Variants in SLC14A2 observed in about 807,000 individuals in gnomAD.
The protein encoded by SLC14A2 is solute carrier family 14 member 2.
In SLC14A2, 91 loss-of-function variants were observed where a neutral mutation model predicts 104.6. The ratio of observed to expected loss-of-function variants is 0.87; its 90% CI spans 0.73 to 1.04. The LOEUF (loss-of-function observed/expected upper bound fraction) is 1.04, where lower values mean the gene tolerates loss of function less well. Ranked by LOEUF, SLC14A2 falls within the 50% of genes least tolerant of loss-of-function variation. The pLI is 0.00. For missense variants in SLC14A2, 1,189 were observed against 1,156.0 expected (o/e 1.03, Z -0.41); for synonymous variants, 476 against 466.4 (o/e 1.02, Z -0.27).
intron 1 of SLC14A2, among the ~76,000 whole-genome samples, chr18:45,619,521 T>C (rs1378426708): frequency 2.0e-5 from 3 of 152,182 alleles, no homozygotes; most frequent in African/African-American, 7.2e-5. Flanking sequence ...GAGGCCTGGT[T>C]TTTGGAGAGA....
At chr18:45,218,800 G>A (rs1599582049) in intron 1 of SLC14A2, among the ~76,000 whole-genome samples, 1 of 151,992 alleles carries the variant, frequency 6.6e-6, no homozygotes, top group East Asian at 1.9e-4. Flanking sequence ...AAGCAGTATG[G>A]AAGGTCAAAT....
chr18:45,554,824 C>G (rs2044110011), intron 2 of SLC14A2, among the ~76,000 whole-genome samples: 1 of 152,100 alleles, frequency 6.6e-6, no homozygotes, highest in South Asian at 2.1e-4. Flanking sequence ...ATCTCTAAAC[C>G]CCCTCATTTC....
chr18:45,475,642 GATATATATATATATAT>G (rs137928157), intron 1 of SLC14A2, among the ~76,000 whole-genome samples: 4,162 of 49,078 alleles, frequency 0.085, 185 homozygotes, highest in East Asian at 0.23. Context: ...ATATATTTAG[GATATATATATATATAT>G]ATATATATAT....
intron 1 of SLC14A2, among the ~76,000 whole-genome samples, chr18:45,435,648 G>A (rs1219623775): frequency 6.6e-6 from 1 of 152,092 alleles, no homozygotes; most frequent in Non-Finnish European, 1.5e-5. Context: ...CTTTGGCTGG[G>A]ACATAAACTC....
intron 1 of SLC14A2, among the ~76,000 whole-genome samples, chr18:45,386,115 C>A (rs2085893511): frequency 6.6e-6 from 1 of 152,130 alleles, no homozygotes; most frequent in Non-Finnish European, 1.5e-5. Flanking sequence ...GAGAGAAGAG[C>A]ATAAGCCAAG....
intron 1 of SLC14A2, among the ~76,000 whole-genome samples, chr18:45,245,995 G>A (rs1374794118): frequency 6.6e-6 from 1 of 152,076 alleles, no homozygotes; most frequent in Non-Finnish European, 1.5e-5. Context: ...TATTGAATGG[G>A]GTTATGGACT....
intron 1 of SLC14A2, among the ~76,000 whole-genome samples, chr18:45,246,565 T>C (rs1356444021): frequency 6.7e-6 from 1 of 148,852 alleles, no homozygotes; most frequent in Non-Finnish European, 1.5e-5. Context: ...GAAATAACTT[T>C]TGTTGTTGTT....
chr18:45,490,685 G>A (rs1038966145), intron 2 of SLC14A2, among the ~76,000 whole-genome samples: 1 of 152,186 alleles, frequency 6.6e-6, no homozygotes, highest in African/African-American at 2.4e-5. Flanking sequence ...GAGAGATTTG[G>A]AGGAGAAGTT....
chr18:45,211,697 A>G (rs1443589208), upstream of SLC14A2, among the ~76,000 whole-genome samples: 1 of 152,158 alleles, frequency 6.6e-6, no homozygotes, highest in Non-Finnish European at 1.5e-5. Context: ...TCTTTGCCAG[A>G]CACTGTGCTA....
chr18:45,350,946 C>T (rs2085497330), intron 1 of SLC14A2, among the ~76,000 whole-genome samples: 1 of 152,160 alleles, frequency 6.6e-6, no homozygotes, highest in Admixed American at 6.5e-5. Flanking sequence ...TCATTTTCTG[C>T]ATTAAACCTA....
chr18:45,392,235 T>C (rs1210589580), intron 1 of SLC14A2, among the ~76,000 whole-genome samples: 1 of 152,218 alleles, frequency 6.6e-6, no homozygotes, highest in East Asian at 1.9e-4. Context: ...GGACAGCTGC[T>C]GAGGTCTCCC....
At chr18:45,229,129 C>T (rs1160905746) in intron 1 of SLC14A2, among the ~76,000 whole-genome samples, 1 of 152,174 alleles carries the variant, frequency 6.6e-6, no homozygotes, top group African/African-American at 2.4e-5. Flanking sequence ...AGCAGACAAG[C>T]ACACATCCTC....
intron 2 of SLC14A2, among the ~76,000 whole-genome samples, chr18:45,582,110 C>T (rs184422624): frequency 4.0e-4 from 61 of 152,278 alleles, no homozygotes; most frequent in African/African-American, 1.4e-3. Context: ...TGCATGACAT[C>T]ATTCAGCTCA....
At chr18:45,293,468 A>G (rs924710858) in intron 1 of SLC14A2, among the ~76,000 whole-genome samples, 2 of 152,028 alleles carry the variant, frequency 1.3e-5, no homozygotes, top group Non-Finnish European at 2.9e-5. Flanking sequence ...ACAATGAGAG[A>G]GACTAAAGGC....
chr18:45,423,085 C>A (rs779090545), intron 1 of SLC14A2, among the ~76,000 whole-genome samples: 7 of 152,170 alleles, frequency 4.6e-5, no homozygotes, highest in African/African-American at 1.7e-4. Context: ...TTGGGAAAAA[C>A]AGTAATTGAT....
chr18:45,572,223 T>C (rs1030452924), intron 2 of SLC14A2, among the ~76,000 whole-genome samples: 4 of 152,170 alleles, frequency 2.6e-5, no homozygotes, highest in African/African-American at 9.7e-5. Flanking sequence ...CCAAGGCAAT[T>C]CCCAAAATAG....
At chr18:45,519,028 T>C (rs1056224013) in intron 2 of SLC14A2, among the ~76,000 whole-genome samples, 4 of 152,174 alleles carry the variant, frequency 2.6e-5, no homozygotes, top group African/African-American at 9.7e-5. Flanking sequence ...CAATTAACAA[T>C]AAGCATATAC....
intron 1 of SLC14A2, among the ~76,000 whole-genome samples, chr18:45,620,431 G>T (rs545460061): frequency 6.6e-6 from 1 of 152,188 alleles, no homozygotes; most frequent in South Asian, 2.1e-4. Context: ...TGCTTTTCAA[G>T]GACATGATTT....
At chr18:45,400,872 G>A (rs576686986) in intron 1 of SLC14A2, among the ~76,000 whole-genome samples, 2 of 152,124 alleles carry the variant, frequency 1.3e-5, no homozygotes, top group South Asian at 2.1e-4. Context: ...ATGCTCGGAC[G>A]TGTCCTAGAT....
Sources: gnomAD v4.1 joint callset for allele counts (sites outside exome capture counted in the v4.1 genomes callset) on GRCh38, gnomAD v4.1.1 for gene constraint, MANE v1.5 for transcripts, NCBI Gene and HGNC (gene_info 2026-07-23, HGNC 2026-07-21) for gene names.